Variants in POU6F2 observed in about 807,000 individuals in gnomAD.
POU6F2 encodes POU class 6 homeobox 2.
POU6F2 carries 31 observed loss-of-function variants against 71.3 expected under a neutral mutation model. That is an observed-to-expected ratio of 0.43 (90% CI 0.33 to 0.59). The LOEUF (loss-of-function observed/expected upper bound fraction) is 0.59, where lower values mean the gene tolerates loss of function less well. Among genes scored for constraint, POU6F2 ranks in the 20% least tolerant of loss-of-function variants. The probability of loss-of-function intolerance (pLI) is 0.04; values close to 1 mark genes in which losing one functional copy is unlikely to be tolerated. For synonymous variants in POU6F2, 347 were observed against 355.7 expected (o/e 0.98, Z 0.27); for missense variants, 783 against 856.8 (o/e 0.91, Z 1.07).
intron 6 of POU6F2, among the ~76,000 whole-genome samples, chr7:39,416,685 A>G (rs944855351): frequency 6.6e-6 from 1 of 152,256 alleles, no homozygotes; most frequent in Non-Finnish European, 1.5e-5. Flanking sequence ...TTTTGAGTCT[A>G]AGACACCACT....
chr7:39,193,809 G>A (rs890038741), intron 2 of POU6F2, among the ~76,000 whole-genome samples: 15 of 152,178 alleles, frequency 9.9e-5, no homozygotes, highest in African/African-American at 3.6e-4. Context: ...TCATCTCTCT[G>A]CTGCTTCCTC....
chr7:39,131,328 T>A (rs1185388271), intron 2 of POU6F2, among the ~76,000 whole-genome samples: 1 of 152,194 alleles, frequency 6.6e-6, no homozygotes, highest in East Asian at 1.9e-4. Flanking sequence ...TTTTTTACAT[T>A]ACCATTGCAT....
chr7:39,231,561 G>T lies in POU6F2; in HGVS notation c.598+23941G>T, dbSNP rs149204842. Among the ~76,000 whole-genome samples, 35 of 152,244 alleles carry T rather than the reference G, an allele frequency of 2.3e-4. No homozygotes were observed. In the East Asian group the frequency reaches 6.7e-3, roughly 29 times the overall value. ...TCTGATCACTTCATTTCCTTTTCCTGATTGACACATAGACCCTATTTTCCA... is the reference window on the plus strand; with the variant it reads ...TCTGATCACTTCATTTCCTTTTCCTTATTGACACATAGACCCTATTTTCCA... On this transcript the variant is annotated intron_variant, in intron 4 of 9. Coordinates refer to ENST00000518318, the MANE Select transcript of POU6F2 (RefSeq NM_001370959.1).
At chr7:39,290,354 A>G (rs190187479) in intron 4 of POU6F2, among the ~76,000 whole-genome samples, 1 of 152,278 alleles carries the variant, frequency 6.6e-6, no homozygotes, top group African/African-American at 2.4e-5. Flanking sequence ...GGACAGTGCT[A>G]AAAGCTTCAG....
intron 5 of POU6F2, among the ~76,000 whole-genome samples, chr7:39,403,364 C>T (rs762737522): frequency 2.1e-4 from 32 of 152,204 alleles, no homozygotes; most frequent in Non-Finnish European, 1.6e-4. Context: ...CAAATCCTTC[C>T]TTTAGAAAGC....
chr7:39,255,686 C>T (rs1290301807), intron 4 of POU6F2, among the ~76,000 whole-genome samples: 1 of 152,152 alleles, frequency 6.6e-6, no homozygotes, highest in African/African-American at 2.4e-5. Flanking sequence ...CATCATAAGC[C>T]GTCTAACTTT....
intron 2 of POU6F2, among the ~76,000 whole-genome samples, chr7:39,140,357 G>C (rs963680913): frequency 6.6e-6 from 1 of 152,176 alleles, no homozygotes; most frequent in African/African-American, 2.4e-5. Context: ...AGGGCATAGG[G>C]GAGTGCATTA....
At chr7:39,318,709 C>G (rs1413743038) in intron 4 of POU6F2, among the ~76,000 whole-genome samples, 1 of 152,340 alleles carries the variant, frequency 6.6e-6, no homozygotes, top group East Asian at 1.9e-4. Flanking sequence ...TGGCCTTCAA[C>G]TTATTCATTA....
At chr7:39,386,117 CAAAAAAA>C (rs531818996) in intron 5 of POU6F2, among the ~76,000 whole-genome samples, 18 of 91,304 alleles carry the variant, frequency 2.0e-4, no homozygotes, top group Non-Finnish European at 1.4e-4. Flanking sequence ...GACTCCGTCT[CAAAAAAA>C]AAAAAAAAAA....
At chr7:39,277,632 G>A (rs989818138) in intron 4 of POU6F2, among the ~76,000 whole-genome samples, 1 of 152,078 alleles carries the variant, frequency 6.6e-6, no homozygotes, top group Admixed American at 6.6e-5. Flanking sequence ...ATTGAGCGGG[G>A]AAAGACCCAG....
chr7:39,428,578 G>A (rs976472196), intron 6 of POU6F2, among the ~76,000 whole-genome samples: 1 of 152,174 alleles, frequency 6.6e-6, no homozygotes, highest in African/African-American at 2.4e-5. Flanking sequence ...CATGCTTTTT[G>A]AATTGAAGCA....
intron 4 of POU6F2, among the ~76,000 whole-genome samples, chr7:39,266,129 TGGATTGGAATCCA>T (rs1214852093): frequency 6.6e-6 from 1 of 152,222 alleles, no homozygotes; most frequent in Non-Finnish European, 1.5e-5. Flanking sequence ...GCCTTTTTCA[TGGATTGGAATCCA>T]GCTGGGTTTC....
At chr7:39,416,862 A>G (rs1787691824) in intron 6 of POU6F2, among the ~76,000 whole-genome samples, 1 of 152,168 alleles carries the variant, frequency 6.6e-6, no homozygotes, top group Non-Finnish European at 1.5e-5. Flanking sequence ...TAAGGGGGAT[A>G]CTATAATTGA....
intron 4 of POU6F2, among the ~76,000 whole-genome samples, chr7:39,293,451 T>A (rs1444419943): frequency 6.6e-6 from 1 of 152,224 alleles, no homozygotes; most frequent in Non-Finnish European, 1.5e-5. Context: ...TAAGGCCGCT[T>A]GGGGCCCGTC....
chr7:39,412,881 A>C (rs1290904445), intron 6 of POU6F2, among the ~76,000 whole-genome samples: 1 of 132,608 alleles, frequency 7.5e-6, no homozygotes, highest in Non-Finnish European at 1.5e-5. Flanking sequence ...GCTCACTGCA[A>C]GCTCCGCCTC....
At chr7:39,131,651 A>T (rs1792284792) in intron 2 of POU6F2, among the ~76,000 whole-genome samples, 1 of 152,192 alleles carries the variant, frequency 6.6e-6, no homozygotes, top group Non-Finnish European at 1.5e-5. Flanking sequence ...CCTGGCTGTG[A>T]AATGGGTATT....
chr7:39,341,712 T>C (rs1400195150), intron 5 of POU6F2, among the ~76,000 whole-genome samples: 1 of 152,182 alleles, frequency 6.6e-6, no homozygotes, highest in Admixed American at 6.5e-5. Flanking sequence ...AGTTGTCCGA[T>C]ATAGTCCAGT....
intron 4 of POU6F2, among the ~76,000 whole-genome samples, chr7:39,220,676 C>T (rs1237586436): frequency 6.6e-6 from 1 of 151,992 alleles, no homozygotes; most frequent in Non-Finnish European, 1.5e-5. Context: ...AGCCCTTCTG[C>T]TTGCTGGCTA....
chr7:39,339,502 A>G (rs1462974925), intron 4 of POU6F2, 140 bp from the exon 5 acceptor site: 1 of 1,275,726 alleles, frequency 7.8e-7, no homozygotes, highest in Non-Finnish European at 1.0e-6. Flanking sequence ...CAACACTCTT[A>G]AATACCAAAG....
Sources: gnomAD v4.1 joint callset for allele counts (sites outside exome capture counted in the v4.1 genomes callset) on GRCh38, gnomAD v4.1.1 for gene constraint, MANE v1.5 for transcripts, NCBI Gene and HGNC (gene_info 2026-07-23, HGNC 2026-07-21) for gene names.